The following VWF variants were observed in gnomAD, a reference collection of about 807,000 sequenced individuals.
VWF encodes the protein Factor VIII related antigen.
In VWF, 176 loss-of-function variants were observed where a neutral mutation model predicts 308.6. That is an observed-to-expected ratio of 0.57 (90% CI 0.50 to 0.65). The LOEUF is 0.65. VWF is among the 30% of genes least tolerant of loss of function. VWF has a pLI of 0.00. For missense variants in VWF, 3,146 were observed against 3,648.2 expected (o/e 0.86, Z 3.55); for synonymous variants, 1,385 against 1,443.4 (o/e 0.96, Z 0.92).
rs759518968 is a variant in VWF, at chr12:5,993,920, A to G, written c.6540T>C (p.Tyr2180=). The G allele has an allele frequency of 6.2e-7, 1 of 1,614,050 alleles. No individual in the cohort carries two copies. The highest frequency in any genetic ancestry group is 2.2e-5 in the East Asian group (1 of 44,876). Residue 2180 remains tyrosine (Y), a synonymous_variant, in exon 37 of 52, where the codon TAT becomes TAC. Transcript: ENST00000261405. Reference sequence around the variant, plus strand: ...CCCCGTTGGTCCGACAGAGGTGGGCATAAGAGGCGATCACCTCACACACTT... The same window carrying G: ...CCCCGTTGGTCCGACAGAGGTGGGCGTAAGAGGCGATCACCTCACACACTT... ...QEQVCEVIAS[Y]AHLCRTNGVC...
intron 44 of VWF, 70 bp downstream of exon 44, chr12:5,971,524 TGAAAC>T: frequency 1.6e-6 from 2 of 1,245,822 alleles, no homozygotes; most frequent in Non-Finnish European, 2.4e-6. Flanking sequence ...GGGAATGAGA[TGAAAC>T]CAAGGTCAAC....
chr12:6,122,865 C>G, intron 2 of VWF: 1 of 723,430 alleles, frequency 1.4e-6, no homozygotes, highest in South Asian at 1.4e-5. Context: ...GTCTTGGATT[C>G]CTTCCTCCTC....
intron 51 of VWF, 55 bp downstream of exon 51, chr12:5,949,731 C>T (rs766325122): frequency 7.3e-5 from 113 of 1,552,706 alleles, no homozygotes; most frequent in Non-Finnish European, 9.7e-5. Flanking sequence ...GATAGGTATC[C>T]GAACACGGAG....
At position 6,046,825 on chromosome 12, in the gene VWF, G is replaced by C. The variant is rs762877255; in HGVS notation, c.2187-8C>G. 1.9e-6 allele frequency: 3 copies of C among 1,613,722 alleles called. No homozygotes were observed. The highest frequency in any genetic ancestry group is 2.2e-5 in the South Asian group (2 of 91,074). On this transcript the variant is annotated splice_region_variant and splice_polypyrimidine_tract_variant and intron_variant, in intron 16 of 51. Coordinates refer to ENST00000261405, the MANE Select transcript of VWF (RefSeq NM_000552.5). This position sits in a 1 kb window ranked among gnomAD's most constrained non-coding sequence, Gnocchi z 5.0. ...AAGCCATCCTCACAGTAGCTGCAGA[G>C]AAGAAAATCATAGCCGAGCTTCACG...
chr12:5,975,114 A>G (rs1209176733), intron 43 of VWF, among the ~76,000 whole-genome samples: 1 of 152,258 alleles, frequency 6.6e-6, no homozygotes, highest in Non-Finnish European at 1.5e-5. Context: ...ATCCTCTCCC[A>G]AAGGTACTGA....
chr12:6,121,456 G>C, intron 2 of VWF, 118 bp from the exon 3 acceptor site: 1 of 1,317,730 alleles, frequency 7.6e-7, no homozygotes, highest in Non-Finnish European at 1.1e-6. Context: ...GGGCTGTGGG[G>C]AGGTATTTTC....
intron 6 of VWF, among the ~76,000 whole-genome samples, chr12:6,081,565 C>G (rs1944910467): frequency 6.6e-6 from 1 of 152,162 alleles, no homozygotes; most frequent in Non-Finnish European, 1.5e-5. Flanking sequence ...GCCTCGATCT[C>G]CTGACCTCGT....
Position 6,016,126 on chromosome 12 carries a change from A to G in VWF, c.5418T>C (p.Asp1806=). The part of the protein sequence containing the change: ...VVILVTDVSV[D]SVDAAADAAR... ...CGGCATCAGCTGCTGCATCCACTGA[A>G]TCCACAGAGACGTCCGTGACCAGGA... The change falls in exon 31 of 52, where the codon GAT becomes GAC. Residue 1806 remains aspartate, a synonymous_variant. Transcript: ENST00000261405. The G allele has an allele frequency of 1.2e-6, 2 of 1,614,216 alleles. No homozygotes were observed. Among genetic ancestry groups the G allele is most frequent in the Non-Finnish European group, 1.7e-6 (2 of 1,180,046 alleles).
At chr12:6,116,368 C>G (rs1412083960) in intron 3 of VWF, among the ~76,000 whole-genome samples, 2 of 152,226 alleles carry the variant, frequency 1.3e-5, no homozygotes, top group African/African-American at 4.8e-5. Flanking sequence ...GGAGCTGGAA[C>G]TACCGTCAGA....
At chr12:6,056,698 G>T (rs1180973092) in intron 15 of VWF, among the ~76,000 whole-genome samples, 159 bp downstream of exon 15, 1 of 152,192 alleles carries the variant, frequency 6.6e-6, no homozygotes, top group Non-Finnish European at 1.5e-5. Flanking sequence ...AGGTGGAAGG[G>T]AAAAGTGGGT....
In VWF at chr12:5,976,115, C is replaced by G. The variant is rs111752224; in HGVS notation, c.7433G>C (p.Arg2478Pro). ...CSQKPCEDSC[R>P]SGFTYVLHEG... ...CCCAGCCCCTGCCCCACTCACCGAC[C>G]GACAGCTGTCCTCACAGGGCTTCTG... The change falls in exon 43 of 52, where the codon CGG (arginine) becomes CCG (proline). Residue 2478 changes from arginine to proline, a missense_variant. Coordinates refer to ENST00000261405, the MANE Select transcript of VWF (RefSeq NM_000552.5). 6.2e-7 allele frequency: 1 copy of G among 1,613,870 alleles called. No individual in the cohort carries two copies. The highest frequency in any genetic ancestry group is 1.7e-5 in the Admixed American group (1 of 60,032).
intron 46 of VWF, 96 bp from the exon 47 acceptor site, chr12:5,967,698 C>T: frequency 9.1e-7 from 1 of 1,093,708 alleles, no homozygotes; most frequent in Non-Finnish European, 1.4e-6. Flanking sequence ...CCACCCATAG[C>T]TCCCATGAGC....
At position 6,107,754 on chromosome 12, in the gene VWF, G is replaced by T. The variant is rs111626103; in HGVS notation, c.532+2620C>A. On this transcript the variant is annotated intron_variant, in intron 5 of 51. Transcript: ENST00000261405. ...GCTCACTGCAAGCTCCGCCTCCAAG[G>T]TTCATGCCATTCTCCTGCCTCAGCT... 2.4e-3 allele frequency among the ~76,000 whole-genome samples: 364 copies of T among 152,170 alleles called. 2 individuals are homozygous for T. The highest frequency in any genetic ancestry group is 7.5e-3 in the African/African-American group (312 of 41,536).
intron 47 of VWF, among the ~76,000 whole-genome samples, chr12:5,956,650 A>C (rs1205807881): frequency 1.3e-5 from 2 of 152,018 alleles, no homozygotes; most frequent in Non-Finnish European, 2.9e-5. Context: ...CGAAAAAAAA[A>C]AAAAAGAAGT....
At chr12:5,998,974 T>TC (rs1943843122) in intron 34 of VWF, among the ~76,000 whole-genome samples, 1 of 152,158 alleles carries the variant, frequency 6.6e-6, no homozygotes, top group African/African-American at 2.4e-5. Context: ...TGATCTGCCT[T>TC]GACCTCCCAA....
rs969882959 is a variant in VWF at position 6,063,377 on chromosome 12, T to C, written c.1433-323A>G. On this transcript the variant is annotated intron_variant, in intron 12 of 51. Transcript: ENST00000261405. The surrounding 1 kb of genome is among the most constrained non-coding windows in gnomAD (Gnocchi z 4.9). ...GCAGGTGCCCTGGAGCAGAGGGGGA[T>C]CTCTTTAGCATTGACACCACGACAT... is the stretch of plus-strand genomic sequence containing the variant. Among the ~76,000 whole-genome samples the C allele has an allele frequency of 6.6e-6, 1 of 151,980 alleles. No individual in the cohort carries two copies. Among genetic ancestry groups the C allele is most frequent in the Non-Finnish European group, 1.5e-5 (1 of 67,980 alleles).
intron 3 of VWF, among the ~76,000 whole-genome samples, chr12:6,113,454 T>C (rs951591380): frequency 4.6e-5 from 7 of 152,032 alleles, no homozygotes; most frequent in Non-Finnish European, 1.0e-4. Flanking sequence ...CCCGCCACCA[T>C]GCCCAGCTAA....
intron 3 of VWF, among the ~76,000 whole-genome samples, chr12:6,118,568 G>A (rs1680472925): frequency 6.6e-6 from 1 of 151,808 alleles, no homozygotes; most frequent in Non-Finnish European, 1.5e-5. Context: ...TGTATTTTTA[G>A]TAGTGACGGG....
Position 6,024,680 on chromosome 12 carries a change from C to G in VWF, c.3223-893G>C, listed in dbSNP as rs1432912064. ...TTCTGTAGTCACATATGTCCATGTA[C>G]AAGCCCATGTCCACATGTGTGTACA... On this transcript the variant is annotated intron_variant, in intron 24 of 51. Transcript: ENST00000261405. This position sits in a 1 kb window ranked among gnomAD's most constrained non-coding sequence, Gnocchi z 4.0. Among the ~76,000 whole-genome samples the G allele has an allele frequency of 1.3e-5, 2 of 152,226 alleles. No homozygotes were observed. Among genetic ancestry groups the G allele is most frequent in the Non-Finnish European group, 2.9e-5 (2 of 68,040 alleles).
Sources: allele counts gnomAD v4.1 joint callset (sites outside exome capture counted in the v4.1 genomes callset), GRCh38; gene constraint gnomAD v4.1.1; non-coding constraint Gnocchi (gnomAD v3.1); transcripts MANE v1.5; gene names NCBI Gene and HGNC (gene_info 2026-07-23, HGNC 2026-07-21).